Variants in XRCC4 observed in about 807,000 individuals in gnomAD.
XRCC4 encodes DNA repair protein XRCC4.
In XRCC4, 28 loss-of-function variants were observed where a neutral mutation model predicts 39.1. The ratio of observed to expected loss-of-function variants is 0.72; its 90% CI spans 0.53 to 0.98. The LOEUF (loss-of-function observed/expected upper bound fraction) is 0.98. XRCC4 is among the 50% of genes least tolerant of loss of function. The pLI is 0.00. For missense variants in XRCC4, 350 were observed against 376.4 expected (o/e 0.93, Z 0.58); for synonymous variants, 123 against 126.4 (o/e 0.97, Z 0.18).
At chr5:83,311,900 A>T (rs1238627717) in intron 7 of XRCC4, among the ~76,000 whole-genome samples, 2 of 152,132 alleles carry the variant, frequency 1.3e-5, no homozygotes, top group African/African-American at 4.8e-5. Context: ...ATTTTATAAA[A>T]GATTCATAAA....
chr5:83,154,378 C>T (rs974416608), intron 3 of XRCC4, among the ~76,000 whole-genome samples: 2 of 152,080 alleles, frequency 1.3e-5, no homozygotes, highest in African/African-American at 2.4e-5. Flanking sequence ...ACATGAAATT[C>T]AAAGGAGATG....
chr5:83,115,176 C>A (rs763200965), intron 3 of XRCC4, among the ~76,000 whole-genome samples: 2 of 152,118 alleles, frequency 1.3e-5, no homozygotes, highest in Admixed American at 6.5e-5. Flanking sequence ...CGGGTGCCTC[C>A]CAGCACTTTG....
chr5:83,202,275 A>C (rs998638958), intron 4 of XRCC4: 2 of 152,204 alleles, frequency 1.3e-5, no homozygotes, highest in African/African-American at 4.8e-5. Flanking sequence ...GTCTAATAAG[A>C]ACCTACCAAA....
intron 1 of XRCC4, among the ~76,000 whole-genome samples, chr5:83,082,657 C>T (rs1745000845): frequency 1.3e-5 from 2 of 152,142 alleles, no homozygotes; most frequent in South Asian, 2.1e-4. Context: ...AGCTCACAGG[C>T]TGCCTGTGGC....
At chr5:83,253,056 A>T (rs986549222) in intron 6 of XRCC4, among the ~76,000 whole-genome samples, 17 of 152,162 alleles carry the variant, frequency 1.1e-4, no homozygotes, top group African/African-American at 4.1e-4. Context: ...ATTTCTGTGG[A>T]TTGGGACTAC....
chr5:83,217,358 C>CA (rs59416363), intron 6 of XRCC4, among the ~76,000 whole-genome samples: 53,263 of 95,924 alleles, frequency 0.56, 14,510 homozygotes, highest in East Asian at 0.8. Context: ...GACTCCGTCT[C>CA]AAAAAAAAAA....
intron 7 of XRCC4, among the ~76,000 whole-genome samples, chr5:83,265,563 C>T (rs541684898): frequency 1.2e-3 from 190 of 152,140 alleles, no homozygotes; most frequent in African/African-American, 4.4e-3. Flanking sequence ...GTGTTTGTGA[C>T]CCAAAATAAT....
chr5:83,225,318 A>G (rs921349351), intron 6 of XRCC4, among the ~76,000 whole-genome samples: 1 of 152,030 alleles, frequency 6.6e-6, no homozygotes, highest in Non-Finnish European at 1.5e-5. Context: ...TTCTATCTTC[A>G]TGATGCGGCT....
intron 2 of XRCC4, among the ~76,000 whole-genome samples, chr5:83,106,869 T>C (rs1746224181): frequency 6.6e-6 from 1 of 151,990 alleles, no homozygotes; most frequent in Non-Finnish European, 1.5e-5. Context: ...TATATAAAAC[T>C]GGTCTGCGAA....
At chr5:83,261,533 T>G (rs1263565236) in intron 7 of XRCC4, among the ~76,000 whole-genome samples, 1 of 152,032 alleles carries the variant, frequency 6.6e-6, no homozygotes, top group African/African-American at 2.4e-5. Context: ...TTCCACTATT[T>G]AGCTTCTCTA....
intron 2 of XRCC4, 143 bp downstream of exon 2, chr5:83,105,201 A>ACTG: frequency 1.3e-6 from 1 of 757,044 alleles, no homozygotes; most frequent in Non-Finnish European, 2.0e-6. Flanking sequence ...CAGGTTTGTA[A>ACTG]TATTTAATGC....
chr5:83,113,273 A>G (rs556455622), intron 3 of XRCC4, among the ~76,000 whole-genome samples: 1 of 152,222 alleles, frequency 6.6e-6, no homozygotes, highest in Non-Finnish European at 1.5e-5. Flanking sequence ...CTTTGACTCC[A>G]TATCTCACAT....
chr5:83,335,319 A>C (rs2112180742), intron 7 of XRCC4, among the ~76,000 whole-genome samples: 1 of 151,966 alleles, frequency 6.6e-6, no homozygotes, highest in East Asian at 1.9e-4. Context: ...AACAATTATT[A>C]TTGTTAGAAT....
chr5:83,136,614 T>C (rs1344892625), intron 3 of XRCC4, among the ~76,000 whole-genome samples: 1 of 152,226 alleles, frequency 6.6e-6, no homozygotes, highest in East Asian at 1.9e-4. Context: ...AACCTCAGCC[T>C]TTTAAATTCT....
intron 3 of XRCC4, among the ~76,000 whole-genome samples, chr5:83,189,323 A>G (rs1278594267): frequency 2.0e-5 from 3 of 152,074 alleles, no homozygotes; most frequent in Non-Finnish European, 2.9e-5. Context: ...GATTCCCACT[A>G]TGACTTTTGC....
intron 3 of XRCC4, among the ~76,000 whole-genome samples, chr5:83,145,533 T>G (rs889202162): frequency 3.9e-5 from 6 of 152,308 alleles, no homozygotes; most frequent in African/African-American, 1.4e-4. Flanking sequence ...CTTTTAACCT[T>G]AGCACTGTTA....
chr5:83,333,170 T>G (rs2112173563), intron 7 of XRCC4, among the ~76,000 whole-genome samples: 1 of 152,214 alleles, frequency 6.6e-6, no homozygotes, highest in South Asian at 2.1e-4. Context: ...ATCTAAAACT[T>G]CTAATGGAAC....
intron 7 of XRCC4, among the ~76,000 whole-genome samples, chr5:83,328,747 A>G (rs1043343590): frequency 6.6e-6 from 1 of 152,130 alleles, no homozygotes; most frequent in Non-Finnish European, 1.5e-5. Context: ...ATCATGACTT[A>G]TTATATAGGA....
chr5:83,290,359 T>G (rs1483410047), intron 7 of XRCC4, among the ~76,000 whole-genome samples: 1 of 151,430 alleles, frequency 6.6e-6, no homozygotes. Flanking sequence ...ATATATAAAG[T>G]GGATGCCCTT....
Sources: gnomAD v4.1 joint callset for allele counts (sites outside exome capture counted in the v4.1 genomes callset) on GRCh38, gnomAD v4.1.1 for gene constraint, MANE v1.5 for transcripts, NCBI Gene and HGNC (gene_info 2026-07-23, HGNC 2026-07-21) for gene names.